CORO2B: variants seen among roughly 807,000 people sequenced by gnomAD.
The protein encoded by CORO2B is coronin-2B.
CORO2B carries 26 observed loss-of-function variants against 58.8 expected under a neutral mutation model. The observed-to-expected ratio is 0.44, with a 90% CI of 0.32 to 0.61. The LOEUF is 0.61. CORO2B is among the 20% of genes least tolerant of loss of function. CORO2B has a pLI of 0.04. For missense variants in CORO2B, 460 were observed against 645.1 expected, an observed-to-expected ratio of 0.71 and a Z score of 3.11; for synonymous variants, 242 against 253.8, an observed-to-expected ratio of 0.95 and a Z score of 0.44.
chr15:68,576,012 G>A (rs981712218), upstream of CORO2B, among the ~76,000 whole-genome samples: 14 of 151,730 alleles, frequency 9.2e-5, no homozygotes, highest in Admixed American at 8.5e-4. Flanking sequence ...AATTAGTCAG[G>A]TGGGGTGGCG....
the CORO2B span, among the ~76,000 whole-genome samples, chr15:68,536,530 C>G: frequency 6.6e-6 from 1 of 152,186 alleles, no homozygotes; most frequent in Admixed American, 6.5e-5. Context: ...TGATGCAACT[C>G]TGTAACACTG....
At chr15:68,562,804 G>A in the CORO2B span, among the ~76,000 whole-genome samples, 4 of 151,728 alleles carry the variant, frequency 2.6e-5, no homozygotes, top group East Asian at 3.9e-4. Context: ...GCGAAACCCC[G>A]TCTCTACTAA....
At chr15:68,704,044 ACACACAC>A (rs1567014957) in intron 3 of CORO2B, among the ~76,000 whole-genome samples, 6 of 54,032 alleles carry the variant, frequency 1.1e-4, no homozygotes, top group South Asian at 9.0e-4. Flanking sequence ...ACACATACAC[ACACACAC>A]ACACACACAC....
chr15:68,725,629 C>T (rs1368992528), intron 11 of CORO2B, among the ~76,000 whole-genome samples: 1 of 151,988 alleles, frequency 6.6e-6, no homozygotes, highest in Non-Finnish European at 1.5e-5. Context: ...GGTTTTGTTT[C>T]CTACCTCACA....
chr15:68,646,366 C>A (rs1901430098), intron 2 of CORO2B, among the ~76,000 whole-genome samples: 1 of 152,202 alleles, frequency 6.6e-6, no homozygotes, highest in African/African-American at 2.4e-5. Flanking sequence ...CTCCCACCCT[C>A]CGCCAAATCG....
At chr15:68,653,421 C>G (rs896590347) in intron 2 of CORO2B, among the ~76,000 whole-genome samples, 3 of 152,162 alleles carry the variant, frequency 2.0e-5, no homozygotes, top group Non-Finnish European at 4.4e-5. Flanking sequence ...GCCAAGGGGC[C>G]ATTGGGCTGA....
intron 2 of CORO2B, among the ~76,000 whole-genome samples, chr15:68,683,312 A>G (rs549546683): frequency 5.9e-5 from 9 of 152,302 alleles, no homozygotes; most frequent in Non-Finnish European, 1.3e-4. Context: ...TGAAGACCCC[A>G]GAGCTGACTC....
intron 2 of CORO2B, among the ~76,000 whole-genome samples, chr15:68,663,816 G>C (rs893437414): frequency 3.3e-5 from 5 of 152,210 alleles, no homozygotes; most frequent in Admixed American, 2.0e-4. Flanking sequence ...TACTTTCCCA[G>C]AGTAGTTTCA....
rs1899347392 is a variant in CORO2B at position 68,579,146 on chromosome 15, G to A, written c.-117G>A. 1 of 981,316 alleles carries A rather than the reference G, an allele frequency of 1.0e-6. No homozygotes were observed. The highest frequency in any genetic ancestry group is 1.2e-6 in the Non-Finnish European group (1 of 828,240). 60.8% of individuals were successfully genotyped at this position (981,316 alleles called of 1,614,324 possible). On this transcript the variant is annotated 5_prime_UTR_variant, in exon 1 of 12. Coordinates refer to ENST00000261861, the MANE Select transcript of CORO2B (RefSeq NM_006091.5). The stretch of plus-strand genomic sequence containing the variant: ...AGCCCCCAGGCTCGGCCGAGCCGCC[G>A]GCGGGGCGCGGGGAGCGAGCCGGGA...
intron 1 of CORO2B, chr15:68,632,211 C>T (rs747488747): frequency 9.8e-5 from 97 of 985,390 alleles, no homozygotes; most frequent in Non-Finnish European, 1.1e-4. Flanking sequence ...CGCTATTCAT[C>T]CACACGGCCC....
the CORO2B span, among the ~76,000 whole-genome samples, chr15:68,567,699 C>T: frequency 2.6e-5 from 4 of 152,182 alleles, no homozygotes; most frequent in Admixed American, 6.5e-5. Context: ...AAGGCATGCC[C>T]TTCACTCCTT....
At chr15:68,589,514 C>T (rs1048008719) in intron 1 of CORO2B, among the ~76,000 whole-genome samples, 4 of 152,174 alleles carry the variant, frequency 2.6e-5, no homozygotes, top group Admixed American at 6.5e-5. Context: ...TAAAGATGTA[C>T]AGTAGAAACG....
At chr15:68,689,395 C>T (rs1014266653) in intron 2 of CORO2B, among the ~76,000 whole-genome samples, 1 of 151,686 alleles carries the variant, frequency 6.6e-6, no homozygotes, top group Non-Finnish European at 1.5e-5. Context: ...AGTCATGGAA[C>T]ATTGAAAAAT....
chr15:68,589,575 G>A (rs1052089135), intron 1 of CORO2B, among the ~76,000 whole-genome samples: 1 of 152,238 alleles, frequency 6.6e-6, no homozygotes, highest in Non-Finnish European at 1.5e-5. Flanking sequence ...TCCCAAGGGG[G>A]TATAGGAAAG....
chr15:68,695,055 G>A, intron 2 of CORO2B, 85 bp from the exon 3 acceptor site: 2 of 986,896 alleles, frequency 2.0e-6, no homozygotes, highest in East Asian at 2.4e-5. Context: ...CAGTTGAGAG[G>A]CCCAGAAAAA....
intron 3 of CORO2B, among the ~76,000 whole-genome samples, chr15:68,701,477 A>AGTTTTTT (rs1892645337): frequency 8.4e-5 from 2 of 23,752 alleles, no homozygotes; most frequent in Non-Finnish European, 2.9e-4. Flanking sequence ...ACGCCCGGCT[A>AGTTTTTT]ATTTTTTTTT....
chr15:68,582,903 CAG>C (rs1388836503), intron 1 of CORO2B, among the ~76,000 whole-genome samples: 4 of 152,158 alleles, frequency 2.6e-5, no homozygotes, highest in Non-Finnish European at 5.9e-5. Flanking sequence ...GAGCCTGGCT[CAG>C]GGGGGTCAGC....
At chr15:68,557,425 G>A in the CORO2B span, among the ~76,000 whole-genome samples, 1 of 152,166 alleles carries the variant, frequency 6.6e-6, no homozygotes, top group African/African-American at 2.4e-5. Context: ...CTGAGGTTAA[G>A]GGGTCAATCT....
intron 1 of CORO2B, among the ~76,000 whole-genome samples, chr15:68,596,061 C>T (rs948921412): frequency 4.0e-5 from 6 of 151,746 alleles, no homozygotes; most frequent in Admixed American, 6.6e-5. Flanking sequence ...GGGTGGCTTG[C>T]GGGGAGGTGG....
Sources: allele counts gnomAD v4.1 joint callset (sites outside exome capture counted in the v4.1 genomes callset), GRCh38; gene constraint gnomAD v4.1.1; transcripts MANE v1.5; gene names NCBI Gene and HGNC (gene_info 2026-07-23, HGNC 2026-07-21).